The following ADPRHL1 variants were observed in gnomAD, a reference collection of about 807,000 sequenced individuals.
The protein encoded by ADPRHL1 is inactive ADP-ribosyltransferase ARH2.
In ADPRHL1, 43 loss-of-function variants were observed where a neutral mutation model predicts 44.1. The ratio of observed to expected loss-of-function variants is 0.98; its 90% confidence interval spans 0.76 to 1.26. ADPRHL1 has a LOEUF of 1.26. Ranked by LOEUF, ADPRHL1 falls within the 50% of genes most tolerant of loss-of-function variation. ADPRHL1 has a pLI of 0.00. For missense variants in ADPRHL1, 2,022 were observed against 2,496.9 expected (o/e 0.81, Z 4.05); for synonymous variants, 878 against 1,017.4 (o/e 0.86, Z 2.61).
At chr13:113,447,289 G>A (rs1295401269) in intron 1 of ADPRHL1, among the ~76,000 whole-genome samples, 5 of 138,480 alleles carry the variant, frequency 3.6e-5, no homozygotes, top group African/African-American at 5.5e-5. Context: ...CTACACGCAC[G>A]GTGTTGTGTG....
Position 113,401,186 on chromosome 13 carries a change from T to C in ADPRHL1, c.*2192A>G, listed in dbSNP as rs891190216. ...AGCTCCAGGGAGGACGCCCCAGGCA[T>C]GAGCAGGGGCCGCCAACAGGACAAA... On this transcript the variant is annotated 3_prime_UTR_variant, in exon 8 of 8. Transcript: ENST00000612156. The surrounding 1 kb of genome is among the most constrained non-coding windows in gnomAD (Gnocchi z 5.5). 2 of 151,896 alleles carry C rather than the reference T, an allele frequency of 1.3e-5. No homozygotes were observed. The highest frequency in any genetic ancestry group is 4.8e-5 in the African/African-American group (2 of 41,344). The allele number at this position is 151,896 out of a possible 1,614,324, so 9.4% of individuals were successfully genotyped here. A position where few individuals can be genotyped will look rare whatever the true frequency, so the allele number is the denominator to read the frequency against.
At chr13:113,448,552 T>C (rs971270907) in intron 1 of ADPRHL1, among the ~76,000 whole-genome samples, 13 of 148,106 alleles carry the variant, frequency 8.8e-5, no homozygotes, top group Non-Finnish European at 1.6e-4. Flanking sequence ...TAACATCCAG[T>C]GATCTTGTAG....
rs754439489 is a variant in ADPRHL1, at chr13:113,444,493, A to G, written c.311T>C (p.Ile104Thr). Residue 104 changes from isoleucine to threonine, a missense_variant, in exon 2 of 8, where the codon ATT becomes ACT. Ile to Thr is a moderately conservative substitution (Grantham distance 89). Transcript: ENST00000612156. ...LPERRPDPAT[I>T]EGCAQLKPNN... is the part of the protein sequence containing the mutation. ...GGGCTTTAGCTGAGCACAGCCTTCA[A>G]TGGTAGCTGGGTCTGGCCGGCGTTC... 9 of 1,614,212 alleles carry G rather than the reference A, an allele frequency of 5.6e-6. No individual in the cohort carries two copies. The highest frequency in any genetic ancestry group is 2.2e-5 in the East Asian group (1 of 44,886).
At chr13:113,430,870 T>C (rs992940121) in intron 3 of ADPRHL1, among the ~76,000 whole-genome samples, 2 of 152,108 alleles carry the variant, frequency 1.3e-5, no homozygotes, top group African/African-American at 2.4e-5. Context: ...CGAGTGGCCA[T>C]GCAGGGGAGC....
Position 113,403,689 on chromosome 13 carries a change from C to T in ADPRHL1, c.5593G>A (p.Gly1865Arg), listed in dbSNP as rs34754579. The T allele has an allele frequency of 1.6e-6, 2 of 1,231,870 alleles. No homozygotes were observed. Among genetic ancestry groups the T allele is most frequent in the Non-Finnish European group, 2.0e-6 (2 of 988,234 alleles). The allele number at this position is 1,231,870 out of a possible 1,614,324, so 76.3% of individuals were successfully genotyped here. Residue 1865 changes from glycine (G) to arginine (R), a missense_variant, in exon 8 of 8, where the codon GGA (glycine) becomes AGA (arginine). By Grantham distance (125) the Gly-to-Arg change is moderately radical. This residue lies in a region of ADPRHL1 where 205 missense variants were observed against 250.1 expected (regional missense o/e 0.82). Transcript: ENST00000612156. The part of the protein sequence containing the change: ...GEPSAGYPPP[G>R]SRPLRGKSIA... ...CTCTTGCCCCTGAGGGGGCGGCTTC[C>T]TGGGGGTGGGTACCCGGCGCTGGGC...
chr13:113,408,091 C>G lies in ADPRHL1; in HGVS notation c.1191G>C (p.Thr397=). Residue 397 remains threonine (T), a synonymous_variant, in exon 8 of 8, where the codon ACG becomes ACC. Coordinates refer to ENST00000612156, the MANE Select transcript of ADPRHL1 (RefSeq NM_001394807.1). ...TCCCCGGGGGCCGGTCTGCGCGGCCCGTGACGTAGAGCAGCAGGCTGCTGA... is the reference window on the plus strand; with the variant it reads ...TCCCCGGGGGCCGGTCTGCGCGGCCGGTGACGTAGAGCAGCAGGCTGCTGA... ...SILSSLLLYV[T]GRADRPPGTE... is the part of the protein sequence containing the mutation. 1 of 1,232,006 alleles carries G rather than the reference C, an allele frequency of 8.1e-7. No individual in the cohort carries two copies. Among genetic ancestry groups the G allele is most frequent in the African/African-American group, 1.5e-5 (1 of 64,560 alleles). The allele number at this position is 1,232,006 out of a possible 1,614,324, so 76.3% of individuals were successfully genotyped here.
chr13:113,444,204 T>G (rs1480645725), intron 2 of ADPRHL1, among the ~76,000 whole-genome samples: 4 of 144,140 alleles, frequency 2.8e-5, no homozygotes, highest in South Asian at 2.3e-4. Context: ...TGCCCGCGCT[T>G]GCCGGGCTGA....
At chr13:113,438,486 G>C (rs1054386958) in intron 2 of ADPRHL1, among the ~76,000 whole-genome samples, 4 of 152,032 alleles carry the variant, frequency 2.6e-5, no homozygotes, top group African/African-American at 9.7e-5. Flanking sequence ...CTGAGGTCAG[G>C]AGTTCGAGAC....
intron 1 of ADPRHL1, among the ~76,000 whole-genome samples, chr13:113,445,363 G>A (rs535089834): frequency 3.3e-5 from 5 of 152,372 alleles, no homozygotes; most frequent in Non-Finnish European, 7.3e-5. Context: ...TAAGTAACCC[G>A]CAGTGTGTGG....
At chr13:113,412,815 C>G (rs2043864255) in intron 7 of ADPRHL1, among the ~76,000 whole-genome samples, 3 of 111,918 alleles carry the variant, frequency 2.7e-5, no homozygotes, top group African/African-American at 1.1e-4. Flanking sequence ...CAGCACCCCG[C>G]AGAACTCGGT....
At chr13:113,410,296 C>T (rs2043842613) in intron 7 of ADPRHL1, among the ~76,000 whole-genome samples, 1 of 152,210 alleles carries the variant, frequency 6.6e-6, no homozygotes, top group Non-Finnish European at 1.5e-5. Context: ...ATCAAGAGGC[C>T]TTGCTGAGAC....
At chr13:113,415,457 T>C (rs1274820745) in intron 7 of ADPRHL1, among the ~76,000 whole-genome samples, 1 of 152,114 alleles carries the variant, frequency 6.6e-6, no homozygotes, top group African/African-American at 2.4e-5. Context: ...GAATTAGTGT[T>C]ATAAAAAGAG....
At position 113,425,124 on chromosome 13, in the gene ADPRHL1, CT is replaced by C. The variant is rs745923346; in HGVS notation, c.701del (p.Glu234GlyfsTer45). The C allele has an allele frequency of 2.4e-5, 39 of 1,613,514 alleles. No homozygotes were observed. Among genetic ancestry groups the C allele is most frequent in the Non-Finnish European group, 3.1e-5 (36 of 1,179,962 alleles). On this transcript the variant is annotated frameshift_variant, in exon 5 of 8. Coordinates refer to ENST00000612156, the MANE Select transcript of ADPRHL1 (RefSeq NM_001394807.1). LOFTEE classifies it high-confidence loss of function. The part of the protein sequence containing the change: ...FEAKWQFYLE[E>X]RKISKDSENK... ...TTTCTGAGTCTTTACTGATTTTCCT[CT>C]CCTCCAAATAAAATTGCCATTTAGC...
At chr13:113,410,186 C>G in intron 7 of ADPRHL1, 10 of 949,078 alleles carry the variant, frequency 1.1e-5, no homozygotes, top group Non-Finnish European at 1.3e-5. Flanking sequence ...CACAGGACTC[C>G]GCTTCCCCCA....
chr13:113,433,158 G>A (rs1351385002), intron 3 of ADPRHL1, among the ~76,000 whole-genome samples: 2 of 152,196 alleles, frequency 1.3e-5, no homozygotes, highest in Admixed American at 6.5e-5. Flanking sequence ...TGTGGCAGTC[G>A]CCCCGTTACA....
At chr13:113,442,490 T>C (rs2044106026) in intron 2 of ADPRHL1, among the ~76,000 whole-genome samples, 1 of 152,174 alleles carries the variant, frequency 6.6e-6, no homozygotes, top group East Asian at 1.9e-4. Context: ...GGTTGAAGTG[T>C]TGTATTTTTT....
At chr13:113,434,767 C>T (rs147037586) in intron 2 of ADPRHL1, among the ~76,000 whole-genome samples, 7,151 of 30,026 alleles carry the variant, frequency 0.24, 2,559 homozygotes, top group East Asian at 0.46. Flanking sequence ...GGACCCAGCA[C>T]CCAGGCGTAG....
intron 2 of ADPRHL1, 96 bp from the exon 3 acceptor site, chr13:113,433,963 T>C: frequency 4.2e-6 from 6 of 1,427,346 alleles, no homozygotes; most frequent in South Asian, 1.5e-5. Context: ...GTAGAAAAAT[T>C]TGTGTAATAA....
intron 2 of ADPRHL1, 109 bp downstream of exon 2, chr13:113,444,316 C>T: frequency 6.9e-7 from 1 of 1,440,304 alleles, no homozygotes; most frequent in Non-Finnish European, 9.5e-7. Flanking sequence ...GCAGATCCGG[C>T]CTCACTGAAG....
Sources: gnomAD v4.1 joint callset for allele counts (sites outside exome capture counted in the v4.1 genomes callset) on GRCh38, gnomAD v4.1.1 for gene constraint, gnomAD v4.1.1 regional missense constraint, Gnocchi (gnomAD v3.1) non-coding constraint, MANE v1.5 for transcripts, NCBI Gene and HGNC (gene_info 2026-07-23, HGNC 2026-07-21) for gene names.